The following NLRP1 variants were observed in gnomAD, a reference collection of about 807,000 sequenced individuals.
The protein encoded by NLRP1 is NACHT, LRR and PYD domains-containing protein 1.
In NLRP1, 94 loss-of-function variants were observed where a neutral mutation model predicts 136.7. The observed-to-expected ratio is 0.69, with a 90% CI of 0.58 to 0.82. The LOEUF (loss-of-function observed/expected upper bound fraction) is 0.82. Among genes scored for constraint, NLRP1 ranks in the 40% least tolerant of loss-of-function variants. NLRP1 has a pLI of 0.00. For synonymous variants in NLRP1, 690 were observed against 725.1 expected, an observed-to-expected ratio of 0.95 and a Z score of 0.78; for missense variants, 1,575 against 1,802.7, an observed-to-expected ratio of 0.87 and a Z score of 2.29.
chr17:5,541,898 G>A lies in NLRP1; in HGVS notation c.2658C>T (p.Cys886=). The A allele has an allele frequency of 6.2e-7, 1 of 1,613,932 alleles. No homozygotes were observed. The highest frequency in any genetic ancestry group is 8.5e-7 in the Non-Finnish European group (1 of 1,180,016). The stretch of plus-strand genomic sequence containing the variant: ...TGCAGCTCGGCTGTCTCAGTCTCTG[G>A]CAAAGGTGTTTGGCTCCAGCATCCG... ...VLTDAGAKHL[C]QRLRQPSCKL... is the part of the protein sequence containing the mutation. Residue 886 remains cysteine, a synonymous_variant, in exon 6 of 17, where the codon TGC becomes TGT. Coordinates refer to ENST00000572272, the MANE Select transcript of NLRP1 (RefSeq NM_033004.4). This position sits in a 1 kb window ranked among gnomAD's most constrained non-coding sequence, Gnocchi z 4.2.
Position 5,541,734 on chromosome 17 carries a change from G to C in NLRP1, c.2699+123C>G, listed in dbSNP as rs1170442660. 1 of 965,774 alleles carries C rather than the reference G, an allele frequency of 1.0e-6. No homozygotes were observed. Among genetic ancestry groups the C allele is most frequent in the East Asian group, 2.5e-5 (1 of 40,500 alleles). The allele number at this position is 965,774 out of a possible 1,614,324, so 59.8% of individuals were successfully genotyped here. A position where few individuals can be genotyped will look rare whatever the true frequency, so the allele number is the denominator to read the frequency against. On this transcript the variant is annotated intron_variant, in intron 6 of 16. Coordinates refer to ENST00000572272, the MANE Select transcript of NLRP1 (RefSeq NM_033004.4). This position sits in a 1 kb window ranked among gnomAD's most constrained non-coding sequence, Gnocchi z 4.2. ...TCCTGAGCCTCTACTGCCTGGCTGA[G>C]ATCCTGTAGGCTCCTCCCACTCCCA...
At chr17:5,528,220 C>T (rs969364021) in intron 12 of NLRP1, among the ~76,000 whole-genome samples, 7 of 152,294 alleles carry the variant, frequency 4.6e-5, no homozygotes, top group African/African-American at 9.6e-5. Flanking sequence ...TCCCTGGCCA[C>T]GGTCTCACTT....
intron 5 of NLRP1, among the ~76,000 whole-genome samples, chr17:5,551,552 G>A (rs1027125068): frequency 2.0e-5 from 3 of 152,182 alleles, no homozygotes; most frequent in Non-Finnish European, 2.9e-5. Context: ...CAAGGAATGC[G>A]ATTGCTGGAT....
Position 5,515,497 on chromosome 17 carries a change from T to A in NLRP1, c.4078A>T (p.Thr1360Ser). ...VKPGDLMPAT[T>S]LIPPARIAVP... The stretch of plus-strand genomic sequence containing the variant: ...CCTATGCGGGCTGGAGGGATCAGAG[T>A]AGTTGCAGGCATGAGATCTCCTGGA... The change falls in exon 16 of 17, where the codon ACT becomes TCT. Residue 1360 changes from threonine to serine, a missense_variant. Physicochemically the swap from Thr to Ser is moderately conservative, Grantham distance 58. Transcript: ENST00000572272. 1 of 1,613,528 alleles carries A rather than the reference T, an allele frequency of 6.2e-7. No individual in the cohort carries two copies. The highest frequency in any genetic ancestry group is 8.5e-7 in the Non-Finnish European group (1 of 1,179,624).
rs199475703 is a variant in NLRP1 at position 5,532,932 on chromosome 17, A to C, written c.3186T>G (p.Pro1062=). The part of the protein sequence containing the change: ...VPVELLCVPS[P]ASQGDLHTKP... ...TCGTATGCAGGTCCCCTTGAGAGGC[A>C]GGAGAAGGCACGCACAAGAGTTCCA... Residue 1062 remains proline (P), a synonymous_variant, in exon 11 of 17, where the codon CCT becomes CCG. Coordinates refer to ENST00000572272, the MANE Select transcript of NLRP1 (RefSeq NM_033004.4). The C allele has an allele frequency of 6.2e-7, 1 of 1,614,072 alleles. No individual in the cohort carries two copies. The highest frequency in any genetic ancestry group is 1.3e-5 in the African/African-American group (1 of 75,060).
chr17:5,501,934 A>G, intron 15 of NLRP1: 1 of 1,459,582 alleles, frequency 6.9e-7, no homozygotes, highest in South Asian at 1.1e-5. Context: ...GGAGAGGTCC[A>G]CTGGCCGGCT....
chr17:5,522,859 G>A (rs1254940711), intron 12 of NLRP1, among the ~76,000 whole-genome samples: 5 of 152,128 alleles, frequency 3.3e-5, no homozygotes, highest in African/African-American at 1.2e-4. Flanking sequence ...GAGGAGGAAG[G>A]GGCAGTAGGA....
At chr17:5,566,912 AGT>A (rs1915400881) in intron 3 of NLRP1, among the ~76,000 whole-genome samples, 1 of 152,154 alleles carries the variant, frequency 6.6e-6, no homozygotes, top group African/African-American at 2.4e-5. Flanking sequence ...ATCATTATAT[AGT>A]GACCTTCTTT....
rs1269596817 is a variant in NLRP1, at chr17:5,583,845, G to A, written c.113C>T (p.Ser38Leu). 1.3e-6 allele frequency: 2 copies of A among 1,571,130 alleles called. No homozygotes were observed. The highest frequency in any genetic ancestry group is 8.6e-7 in the Non-Finnish European group (1 of 1,156,302). Residue 38 changes from serine to leucine, a missense_variant, in exon 1 of 17, where the codon TCG (serine) becomes TTG (leucine). Transcript: ENST00000572272. This position sits in a 1 kb window ranked among gnomAD's most constrained non-coding sequence, Gnocchi z 4.5. ...LANKAHSRSS[S>L]GETPAQPEKT... Reference sequence around the variant, plus strand: ...CTCTGGCTGAGCGGGTGTCTCACCCGAAGAGCTCCTGGAGTGCGCTTTATT... The same window carrying A: ...CTCTGGCTGAGCGGGTGTCTCACCCAAAGAGCTCCTGGAGTGCGCTTTATT...
chr17:5,574,379 T>C (rs566220723), intron 3 of NLRP1, among the ~76,000 whole-genome samples: 2,707 of 152,278 alleles, frequency 0.018, 73 homozygotes, highest in African/African-American at 0.062. Flanking sequence ...TTGGAAATCA[T>C]TCTGCAGGAT....
intron 12 of NLRP1, among the ~76,000 whole-genome samples, chr17:5,528,450 C>A (rs772544126): frequency 1.3e-5 from 2 of 152,176 alleles, no homozygotes; most frequent in African/African-American, 2.4e-5. Flanking sequence ...GCCCATATGA[C>A]CCTGACTGTT....
At chr17:5,517,356 C>T (rs1328630145) in intron 15 of NLRP1, among the ~76,000 whole-genome samples, 2 of 86,828 alleles carry the variant, frequency 2.3e-5, no homozygotes, top group South Asian at 3.9e-4. Flanking sequence ...CTGCACCCCC[C>T]CCCCTCCCAC....
Position 5,518,086 on chromosome 17 carries a change from G to A in NLRP1, c.3916-199C>T. On this transcript the variant is annotated intron_variant, in intron 14 of 16. Transcript: ENST00000572272. ...GAGGACACAACTGAGTACCTCACGG[G>A]TAAGTCAGGGCTTGTCCTTAAACGT... 5.3e-6 allele frequency: 3 copies of A among 561,452 alleles called. No homozygotes were observed. In the South Asian group the frequency reaches 6.4e-5, roughly 12 times the overall value. 34.8% of individuals were successfully genotyped at this position (561,452 alleles called of 1,614,324 possible). A position where few individuals can be genotyped will look rare whatever the true frequency, so the allele number is the denominator to read the frequency against.
intron 5 of NLRP1, among the ~76,000 whole-genome samples, chr17:5,543,982 G>C (rs939756471): frequency 6.6e-6 from 1 of 152,146 alleles, no homozygotes; most frequent in Admixed American, 6.5e-5. Flanking sequence ...TTCTAGATTG[G>C]GGGGGTTAAT....
chr17:5,544,341 TCCC>T (rs1459146745), intron 5 of NLRP1, among the ~76,000 whole-genome samples: 2 of 152,058 alleles, frequency 1.3e-5, no homozygotes, highest in Non-Finnish European at 2.9e-5. Flanking sequence ...GGGGCAAATC[TCCC>T]CCACCACTGA....
chr17:5,543,593 T>A (rs974024005), intron 5 of NLRP1, among the ~76,000 whole-genome samples: 1 of 149,624 alleles, frequency 6.7e-6, no homozygotes, highest in African/African-American at 2.5e-5. Flanking sequence ...CTGAGGGAGG[T>A]TGTAGTGAGC....
chr17:5,571,874 C>T (rs761242938), intron 3 of NLRP1, among the ~76,000 whole-genome samples: 11 of 152,158 alleles, frequency 7.2e-5, no homozygotes, highest in Non-Finnish European at 1.2e-4. Flanking sequence ...GTAACCAAAA[C>T]GGCATGCTAC....
intron 12 of NLRP1, among the ~76,000 whole-genome samples, chr17:5,528,534 A>G (rs1490898270): frequency 6.6e-6 from 1 of 152,198 alleles, no homozygotes; most frequent in Non-Finnish European, 1.5e-5. Flanking sequence ...CCTGGTGTGC[A>G]GCTTGAATTG....
At chr17:5,542,076 C>A in intron 5 of NLRP1, 49 bp from the exon 6 acceptor site, 7 of 1,561,706 alleles carry the variant, frequency 4.5e-6, no homozygotes, top group East Asian at 2.3e-5. Flanking sequence ...CCTGTTGATT[C>A]AACAGACACC....
Sources: gnomAD v4.1 joint callset for allele counts (sites outside exome capture counted in the v4.1 genomes callset) on GRCh38, gnomAD v4.1.1 for gene constraint, Gnocchi (gnomAD v3.1) non-coding constraint, MANE v1.5 for transcripts, NCBI Gene and HGNC (gene_info 2026-07-23, HGNC 2026-07-21) for gene names.